IQCE: variants seen among roughly 807,000 people sequenced by gnomAD.
IQCE encodes the protein IQ motif containing E.
In IQCE, 115 loss-of-function variants were observed where a neutral mutation model predicts 96.0. The observed-to-expected ratio is 1.20, with a 90% CI of 1.03 to 1.40. The LOEUF (loss-of-function observed/expected upper bound fraction) is 1.40, where lower values mean the gene tolerates loss of function less well. Among genes scored for constraint, IQCE ranks in the 40% most tolerant of loss-of-function variants. The probability of loss-of-function intolerance (pLI) is 0.00; values close to 1 mark genes in which losing one functional copy is unlikely to be tolerated. For synonymous variants in IQCE, 412 were observed against 371.2 expected, an observed-to-expected ratio of 1.11 and a Z score of -1.26; for missense variants, 1,041 against 909.1, an observed-to-expected ratio of 1.15 and a Z score of -1.87.
Position 2,574,184 on chromosome 7 carries a change from T to C in IQCE, c.465+696T>C, listed in dbSNP as rs569716557. On this transcript the variant is annotated intron_variant, in intron 6 of 21. Transcript: ENST00000402050. ...CCCCTGGAGAAATCATCTGCGTTCA[T>C]TTCCTTCCATAATTTTAGTCTGTTT... Among the ~76,000 whole-genome samples, 25 of 152,356 alleles carry C rather than the reference T, an allele frequency of 1.6e-4. No individual in the cohort carries two copies. In the South Asian group the frequency reaches 5.0e-3, roughly 30 times the overall value.
At chr7:2,563,556 T>A (rs1262204806) in intron 1 of IQCE, among the ~76,000 whole-genome samples, 1 of 152,074 alleles carries the variant, frequency 6.6e-6, no homozygotes, top group Non-Finnish European at 1.5e-5. Context: ...TTTGATGTGA[T>A]CTTTTTAAAA....
At chr7:2,608,704 G>T (rs191701844) in intron 21 of IQCE, among the ~76,000 whole-genome samples, 1 of 152,362 alleles carries the variant, frequency 6.6e-6, no homozygotes, top group Non-Finnish European at 1.5e-5. Flanking sequence ...CAGGGCTAAA[G>T]CGTGCGTTGA....
intron 1 of IQCE, among the ~76,000 whole-genome samples, chr7:2,561,645 T>A (rs755160823): frequency 1.1e-4 from 16 of 151,970 alleles, no homozygotes; most frequent in Admixed American, 3.3e-4. Flanking sequence ...ATGGTCTCGA[T>A]CTCCTGACCT....
At chr7:2,582,402 A>G (rs184408778) in intron 8 of IQCE, among the ~76,000 whole-genome samples, 178 bp from the exon 9 acceptor site, 2 of 152,276 alleles carry the variant, frequency 1.3e-5, no homozygotes, top group Admixed American at 6.5e-5. Context: ...AGCCTTACTC[A>G]GGGACAGGAC....
chr7:2,607,348 T>G, intron 21 of IQCE, 121 bp downstream of exon 21: 1 of 1,460,412 alleles, frequency 6.8e-7, no homozygotes. Context: ...GTGTCCCATC[T>G]GGAGCTGCCT....
intron 12 of IQCE, 137 bp downstream of exon 12, chr7:2,586,508 A>C: frequency 1.1e-6 from 1 of 925,070 alleles, no homozygotes; most frequent in Non-Finnish European, 1.6e-6. Context: ...CAGTTCCCAC[A>C]TGTGCCAGCA....
chr7:2,565,236 T>C (rs1395417440), intron 1 of IQCE, among the ~76,000 whole-genome samples: 1 of 149,520 alleles, frequency 6.7e-6, no homozygotes, highest in Non-Finnish European at 1.5e-5. Flanking sequence ...TGAGTGTGTG[T>C]GCGTGTGTGT....
At chr7:2,569,092 C>A in intron 3 of IQCE, 93 bp downstream of exon 3, 2 of 1,255,862 alleles carry the variant, frequency 1.6e-6, no homozygotes, top group Non-Finnish European at 2.3e-6. Context: ...ATTTAGGTAG[C>A]TGAGACCTGA....
chr7:2,594,796 C>G lies in IQCE; in HGVS notation c.1350-90C>G, dbSNP rs2304538. ...AGGCTGCCTGGTGTCCCCCTGTCTC[C>G]GCCTGGACCGCCCGCCCCACCCTGC... is the stretch of plus-strand genomic sequence containing the variant. On this transcript the variant is annotated intron_variant, in intron 15 of 21. Transcript: ENST00000402050. The G allele has an allele frequency of 8.8e-6, 8 of 907,196 alleles. No homozygotes were observed. In the African/African-American group the frequency reaches 1.3e-4, roughly 15 times the overall value. The allele number at this position is 907,196 out of a possible 1,614,324, so 56.2% of individuals were successfully genotyped here.
Position 2,572,322 on chromosome 7 carries a change from C to T in IQCE, c.390C>T (p.Ser130=), listed in dbSNP as rs568412600. Residue 130 remains serine, a synonymous_variant, in exon 5 of 22, where the codon AGC becomes AGT. Transcript: ENST00000402050. The part of the protein sequence containing the change: ...VKRPHLRRSA[S]NGHVPGTPVY... ...GGCCACATCTCAGGCGCTCTGCCAG[C>T]AACGGTGAGCATGCCGATGGTGGCG... is the stretch of plus-strand genomic sequence containing the variant. The T allele has an allele frequency of 1.9e-6, 3 of 1,613,686 alleles. No individual in the cohort carries two copies. Among genetic ancestry groups the T allele is most frequent in the African/African-American group, 1.3e-5 (1 of 75,034 alleles).
In IQCE at chr7:2,611,929, G is replaced by A. The variant is rs3735113; in HGVS notation, c.*1767G>A. 0.12 allele frequency: 18,406 copies of A among 151,870 alleles called. 1,184 individuals are homozygous for A. The highest frequency in any genetic ancestry group is 0.15 in the Admixed American group (2,344 of 15,264). The allele number at this position is 151,870 out of a possible 1,614,324, so 9.4% of individuals were successfully genotyped here. ...ACCCCTGCCTTCACCCCACCCGCCCGGGTCCACTCCCTGGGGCGCTGTCCC... is the reference window on the plus strand; with the variant it reads ...ACCCCTGCCTTCACCCCACCCGCCCAGGTCCACTCCCTGGGGCGCTGTCCC... On this transcript the variant is annotated 3_prime_UTR_variant, in exon 22 of 22. Coordinates refer to ENST00000402050, the MANE Select transcript of IQCE (RefSeq NM_152558.5).
intron 11 of IQCE, among the ~76,000 whole-genome samples, chr7:2,585,340 G>T (rs1439336924): frequency 6.6e-6 from 1 of 152,214 alleles, no homozygotes; most frequent in East Asian, 1.9e-4. Context: ...GCCCAGCCTG[G>T]TCACAGCATT....
At chr7:2,598,443 T>C in intron 16 of IQCE, 22 bp from the exon 17 acceptor site, 1 of 1,555,574 alleles carries the variant, frequency 6.4e-7, no homozygotes, top group East Asian at 2.3e-5. Context: ...CATTGTCCTC[T>C]TACTCCTTCA....
intron 5 of IQCE, chr7:2,572,932 G>A: frequency 3.0e-6 from 1 of 336,488 alleles, no homozygotes; most frequent in East Asian, 8.3e-5. Context: ...TGTACTCCAG[G>A]AATTGATTAC....
chr7:2,579,446 A>G (rs1782478832), intron 8 of IQCE, among the ~76,000 whole-genome samples: 1 of 152,246 alleles, frequency 6.6e-6, no homozygotes, highest in Non-Finnish European at 1.5e-5. Context: ...GAAGGATATT[A>G]TGGATCAATA....
intron 1 of IQCE, among the ~76,000 whole-genome samples, chr7:2,563,411 G>GTGTGTGTGTGTGTGTGTGTGTGTA (rs773616723): frequency 2.0e-5 from 3 of 148,594 alleles, no homozygotes; most frequent in African/African-American, 7.4e-5. Context: ...GTGTGTGTGT[G>GTGTGTGTGTGTGTGTGTGTGTGTA]TACAGGGTTT....
rs111358891 is a variant in IQCE, at chr7:2,599,607, C to T, written c.1608+975C>T. Reference sequence around the variant, plus strand: ...GACCTCCCAGGCTCAAGCAGTCCTCCGGCCTCAGCCTCCCAAGTAGTTGGG... The same window carrying T: ...GACCTCCCAGGCTCAAGCAGTCCTCTGGCCTCAGCCTCCCAAGTAGTTGGG... On this transcript the variant is annotated intron_variant, in intron 17 of 21. Transcript: ENST00000402050. 9.5e-3 allele frequency among the ~76,000 whole-genome samples: 1,444 copies of T among 152,110 alleles called. 21 individuals are homozygous for T. The highest frequency in any genetic ancestry group is 0.032 in the African/African-American group (1,331 of 41,472).
intron 16 of IQCE, chr7:2,596,977 C>T (rs1424570405): frequency 2.1e-6 from 1 of 471,160 alleles, no homozygotes; most frequent in East Asian, 6.9e-5. Context: ...TGTGCAGACA[C>T]CCAAGTGACC....
chr7:2,599,647 C>T (rs995334885), intron 17 of IQCE, among the ~76,000 whole-genome samples: 1 of 152,172 alleles, frequency 6.6e-6, no homozygotes, highest in East Asian at 1.9e-4. Flanking sequence ...CAGGCAGGCA[C>T]CACCACACCT....
Sources: allele counts gnomAD v4.1 joint callset (sites outside exome capture counted in the v4.1 genomes callset), GRCh38; gene constraint gnomAD v4.1.1; transcripts MANE v1.5; gene names NCBI Gene and HGNC (gene_info 2026-07-23, HGNC 2026-07-21).